The following TMEM175 variants were observed in gnomAD, a reference collection of about 807,000 sequenced individuals.
TMEM175 encodes endosomal/lysosomal proton channel TMEM175.
In TMEM175, 36 loss-of-function variants were observed where a neutral mutation model predicts 36.5. That is an observed-to-expected ratio of 0.99 (90% CI 0.76 to 1.30). The LOEUF (loss-of-function observed/expected upper bound fraction) is 1.30. Among genes scored for constraint, TMEM175 ranks in the 50% most tolerant of loss-of-function variants. The probability of loss-of-function intolerance (pLI) is 0.00; values close to 1 mark genes in which losing one functional copy is unlikely to be tolerated. For synonymous variants in TMEM175, 339 were observed against 313.4 expected (o/e 1.08, Z -0.86); for missense variants, 705 against 692.8 (o/e 1.02, Z -0.20).
intron 2 of TMEM175, 49 bp from the exon 3 acceptor site, chr4:948,067 A>G (rs1162206533): frequency 2.5e-6 from 4 of 1,613,784 alleles, no homozygotes; most frequent in East Asian, 4.5e-5. Context: ...ACCCAATCCA[A>G]CAAGCGTCTC....
intron 1 of TMEM175, among the ~76,000 whole-genome samples, chr4:935,224 C>G (rs1454190643): frequency 6.6e-6 from 1 of 152,160 alleles, no homozygotes. Context: ...TTCTGGAGCA[C>G]CTTTATTTAT....
At chr4:954,919 C>T (rs542536966) in intron 8 of TMEM175, among the ~76,000 whole-genome samples, 1 of 152,084 alleles carries the variant, frequency 6.6e-6, no homozygotes, top group Non-Finnish European at 1.5e-5. Flanking sequence ...CTGTTCTCAT[C>T]CTTTGCCCAT....
Position 945,464 on chromosome 4 carries a change from A to G in TMEM175, c.-31-2245A>G, listed in dbSNP as rs1577404408. Among the ~76,000 whole-genome samples, 3 of 151,504 alleles carry G rather than the reference A, an allele frequency of 2.0e-5. No homozygotes were observed. The South Asian group carries it at 6.3e-4, about 32-fold the overall frequency. ...CCTGCCCTCCCGTCGCCTCACGCCC[A>G]CCACCCTGGCTGGCCTCTCTCCGTT... On this transcript the variant is annotated intron_variant, in intron 1 of 10. Transcript: ENST00000264771.
chr4:936,919 G>C (rs535944890), intron 1 of TMEM175, among the ~76,000 whole-genome samples: 1 of 151,936 alleles, frequency 6.6e-6, no homozygotes, highest in East Asian at 1.9e-4. Context: ...ATTGAGCCAC[G>C]GCACTCCAGT....
chr4:955,771 G>A lies in TMEM175; in HGVS notation c.723G>A (p.Ser241=), dbSNP rs757395705. The A allele has an allele frequency of 1.2e-5, 20 of 1,613,404 alleles. 1 individual carries two copies. The highest frequency in any genetic ancestry group is 1.2e-4 in the South Asian group (11 of 91,072). ...TGTCCCCAGGCCACAGGGAGCCCTCGGCTCACCCAGTGGAAGTCTTCTCGT... is the reference window on the plus strand; with the variant it reads ...TGTCCCCAGGCCACAGGGAGCCCTCAGCTCACCCAGTGGAAGTCTTCTCGT... ...RDRLLGHREP[S]AHPVEVFSFD... is the part of the protein sequence containing the mutation. Residue 241 remains serine, a synonymous_variant, in exon 10 of 11, where the codon TCG becomes TCA. Coordinates refer to ENST00000264771, the MANE Select transcript of TMEM175 (RefSeq NM_032326.4).
chr4:954,931 T>G (rs1729421573), intron 8 of TMEM175, among the ~76,000 whole-genome samples: 1 of 152,180 alleles, frequency 6.6e-6, no homozygotes, highest in Non-Finnish European at 1.5e-5. Flanking sequence ...TTTGCCCATT[T>G]TTAATTGGGT....
rs368325598 is a variant in TMEM175, at chr4:955,439, C to T, written c.662C>T (p.Pro221Leu). The change falls in exon 9 of 11, where the codon CCC becomes CTC. Residue 221 changes from proline to leucine, a missense_variant. Pro to Leu is a moderately conservative substitution (Grantham distance 98). Coordinates refer to ENST00000264771, the MANE Select transcript of TMEM175 (RefSeq NM_032326.4). ...YLLMVTVILL[P>L]YVSKVTGWCR... ...CTGATGGTGACTGTCATCCTCCTCC[C>T]CTATGTCAGCAAGGTCACCGGCTGG... 1.9e-6 allele frequency: 3 copies of T among 1,614,064 alleles called. No individual in the cohort carries two copies. The highest frequency in any genetic ancestry group is 1.1e-5 in the South Asian group (1 of 91,072).
rs144329952 is a variant in TMEM175 at position 957,968 on chromosome 4, A to G, written c.987A>G (p.Ser329=). ...TVGLLWFAHH[S]LFLHVRKATR... is the part of the protein sequence containing the mutation. ...GACTGCTGTGGTTCGCCCACCACTC[A>G]CTCTTCCTGCATGTGCGCAAGGCCA... Residue 329 remains serine, a synonymous_variant, in exon 11 of 11, where the codon TCA becomes TCG. Coordinates refer to ENST00000264771, the MANE Select transcript of TMEM175 (RefSeq NM_032326.4). 1.4e-3 allele frequency: 2,293 copies of G among 1,612,006 alleles called. No individual in the cohort carries two copies. The highest frequency in any genetic ancestry group is 1.8e-3 in the Non-Finnish European group (2,117 of 1,179,748).
At chr4:936,895 T>G (rs183256115) in intron 1 of TMEM175, among the ~76,000 whole-genome samples, 62 of 151,860 alleles carry the variant, frequency 4.1e-4, no homozygotes, top group Admixed American at 3.0e-3. Context: ...AGTCGGAGGT[T>G]GCAGTGAGCC....
At chr4:950,374 G>A (rs774783182) in intron 3 of TMEM175, 47 bp from the exon 4 acceptor site, 8 of 1,455,482 alleles carry the variant, frequency 5.5e-6, no homozygotes, top group South Asian at 1.1e-5. Context: ...GCCATTCAGG[G>A]ACACTCATGT....
rs1560506175 is a variant in TMEM175, at chr4:958,396, C to T, written c.1415C>T (p.Thr472Ile). The change falls in exon 11 of 11, where the codon ACC becomes ATC. Residue 472 changes from threonine to isoleucine, a missense_variant. By Grantham distance (89) the Thr-to-Ile change is moderately conservative. Coordinates refer to ENST00000264771, the MANE Select transcript of TMEM175 (RefSeq NM_032326.4). Reference protein sequence around the residue: ...LRLLVGLALATLRVLRGLARP... With the variant: ...LRLLVGLALAILRVLRGLARP... Reference sequence around the variant, plus strand: ...CTGCTCGTGGGCCTGGCCCTGGCCACCCTGCGGGTCCTGCGGGGCCTCGCC... The same window carrying T: ...CTGCTCGTGGGCCTGGCCCTGGCCATCCTGCGGGTCCTGCGGGGCCTCGCC... 2 of 1,601,108 alleles carry T rather than the reference C, an allele frequency of 1.2e-6. No individual in the cohort carries two copies. Among genetic ancestry groups the T allele is most frequent in the East Asian group, 4.5e-5 (2 of 44,850 alleles).
At chr4:947,996 C>T (rs762507154) in intron 2 of TMEM175, 104 bp downstream of exon 2, 1 of 1,610,980 alleles carries the variant, frequency 6.2e-7, no homozygotes, top group Non-Finnish European at 8.5e-7. Flanking sequence ...CCTTGGGTCC[C>T]CCAGCTCCTC....
At chr4:939,855 C>T (rs1577387142) in intron 1 of TMEM175, among the ~76,000 whole-genome samples, 2 of 152,268 alleles carry the variant, frequency 1.3e-5, no homozygotes, top group East Asian at 3.9e-4. Context: ...AGATTTTTAG[C>T]CATGACACTA....
At chr4:950,014 C>T (rs1223238622) in intron 3 of TMEM175, among the ~76,000 whole-genome samples, 2 of 152,308 alleles carry the variant, frequency 1.3e-5, no homozygotes, top group South Asian at 4.2e-4. Context: ...CCTGTCCCCT[C>T]CCACATGCGG....
chr4:957,300 G>A (rs1024574970), intron 10 of TMEM175, among the ~76,000 whole-genome samples: 5 of 152,302 alleles, frequency 3.3e-5, no homozygotes, highest in East Asian at 1.9e-4. Flanking sequence ...GGGTGGTGCC[G>A]TCAGAAGGCA....
At chr4:951,629 C>G in intron 5 of TMEM175, 53 bp from the exon 6 acceptor site, 1 of 1,613,130 alleles carries the variant, frequency 6.2e-7, no homozygotes, top group Non-Finnish European at 8.5e-7. Flanking sequence ...TGTCCATTCC[C>G]CTGCCCTTCT....
At chr4:950,591 G>A (rs910401461) in intron 4 of TMEM175, 73 bp downstream of exon 4, 22 of 1,137,240 alleles carry the variant, frequency 1.9e-5, no homozygotes, top group Middle Eastern at 4.8e-4. Context: ...CATCACGCAC[G>A]GGTCCATGGG....
intron 9 of TMEM175, 88 bp downstream of exon 9, chr4:955,571 C>A: frequency 6.7e-7 from 1 of 1,487,460 alleles, no homozygotes; most frequent in South Asian, 1.2e-5. Flanking sequence ...TGTCCGTGGG[C>A]CGAGGCCCGT....
At chr4:948,449 G>C (rs1232238784) in intron 3 of TMEM175, 1 of 1,485,140 alleles carries the variant, frequency 6.7e-7, no homozygotes, top group Admixed American at 2.0e-5. Context: ...CCAGAGGACA[G>C]GTTGGAAGAG....
Sources: gnomAD v4.1 joint callset for allele counts (sites outside exome capture counted in the v4.1 genomes callset) on GRCh38, gnomAD v4.1.1 for gene constraint, MANE v1.5 for transcripts, NCBI Gene and HGNC (gene_info 2026-07-23, HGNC 2026-07-21) for gene names.